CAPN13: variants seen among roughly 807,000 people sequenced by gnomAD.
CAPN13 encodes calpain 13, also known as calpain-13.
A neutral mutation model predicts 98.4 loss-of-function variants in CAPN13; 90 were observed. The ratio of observed to expected loss-of-function variants is 0.92; its 90% CI spans 0.77 to 1.09. CAPN13 has a LOEUF of 1.09. CAPN13 is among the 50% of genes least tolerant of loss of function. The pLI, the probability that CAPN13 is intolerant of heterozygous loss-of-function variation, is 0.00. For missense variants in CAPN13, 887 were observed against 841.3 expected, an observed-to-expected ratio of 1.05 and a Z score of -0.67; for synonymous variants, 330 against 305.5, an observed-to-expected ratio of 1.08 and a Z score of -0.84.
intron 22 of CAPN13, among the ~76,000 whole-genome samples, chr2:30,725,933 A>G (rs1475359060): frequency 6.6e-6 from 1 of 152,224 alleles, no homozygotes; most frequent in African/African-American, 2.4e-5. Flanking sequence ...CCTGCCTTCC[A>G]GTACACCAAA....
chr2:30,776,685 G>A (rs1204141270), intron 3 of CAPN13, among the ~76,000 whole-genome samples: 6 of 152,190 alleles, frequency 3.9e-5, no homozygotes, highest in African/African-American at 1.2e-4. Context: ...ATGGCCTCGA[G>A]TTTCTCCTTG....
chr2:30,758,816 CCTCCCTTCCTT>C lies in CAPN13; in HGVS notation c.775-690_775-680del, dbSNP rs1672623832. 4.1e-5 allele frequency among the ~76,000 whole-genome samples: 4 copies of C among 97,002 alleles called. No individual in the cohort carries two copies. The East Asian group carries it at 1.7e-3, about 41-fold the overall frequency. The allele number at this position is 97,002 out of a possible 152,430, so 63.6% of individuals were successfully genotyped here. ...CTTTCCTTCCTCCCTCCCTTCCCTTCCTCCCTTCCTTCCTCCCTTCCTTCTTTCCCTTTCTC... is the reference window on the plus strand; with the variant it reads ...CTTTCCTTCCTCCCTCCCTTCCCTTCCCTCCCTTCCTTCTTTCCCTTTCTC... On this transcript the variant is annotated intron_variant, in intron 7 of 22. Coordinates refer to ENST00000295055, the MANE Select transcript of CAPN13 (RefSeq NM_144575.3).
chr2:30,746,206 G>T (rs754687359), intron 11 of CAPN13, among the ~76,000 whole-genome samples: 2 of 152,066 alleles, frequency 1.3e-5, no homozygotes, highest in Non-Finnish European at 2.9e-5. Context: ...CACCACAAAG[G>T]ATGTTTTAAA....
At position 30,733,330 on chromosome 2, in the gene CAPN13, G is replaced by GTCCTC. The variant is rs1671198344; in HGVS notation, c.1799-765_1799-764insGAGGA. The stretch of plus-strand genomic sequence containing the variant: ...ACTCGAATGCCTTTAGATAAGCCAG[G>GTCCTC]TCCTGTTCTCAGTCACCTGTTTTCT... On this transcript the variant is annotated intron_variant, in intron 19 of 22. Coordinates refer to ENST00000295055, the MANE Select transcript of CAPN13 (RefSeq NM_144575.3). Among the ~76,000 whole-genome samples, 5 of 106,484 alleles carry GTCCTC rather than the reference G, an allele frequency of 4.7e-5. No individual in the cohort carries two copies. The South Asian group carries it at 1.2e-3, about 26-fold the overall frequency. 69.9% of individuals were successfully genotyped at this position (106,484 alleles called of 152,430 possible).
At chr2:30,742,504 C>A in intron 13 of CAPN13, 145 bp from the exon 14 acceptor site, 3 of 838,084 alleles carry the variant, frequency 3.6e-6, no homozygotes, top group Non-Finnish European at 5.8e-6. Context: ...ACGAAGTGAG[C>A]AGCTACAGCA....
chr2:30,749,211 A>G (rs911631059), intron 11 of CAPN13, among the ~76,000 whole-genome samples: 6 of 152,246 alleles, frequency 3.9e-5, no homozygotes, highest in African/African-American at 1.4e-4. Context: ...CCAAAATCCA[A>G]AACTTTTTGA....
chr2:30,806,524 C>A (rs1675639117), intron 1 of CAPN13, among the ~76,000 whole-genome samples: 1 of 152,128 alleles, frequency 6.6e-6, no homozygotes, highest in Admixed American at 6.5e-5. Context: ...CGGGGGTAAC[C>A]AAAGTTGTGT....
chr2:30,742,995 C>T (rs529004378), intron 13 of CAPN13: 7 of 263,820 alleles, frequency 2.7e-5, no homozygotes, highest in Non-Finnish European at 5.1e-5. Flanking sequence ...ACTTCCCTCC[C>T]GCCATTCATG....
chr2:30,734,353 T>G (rs908379610), intron 19 of CAPN13, 96 bp downstream of exon 19: 4 of 905,488 alleles, frequency 4.4e-6, no homozygotes, highest in Admixed American at 4.0e-5. Context: ...CTCTCCTGAT[T>G]GCCTGGCACT....
chr2:30,731,209 T>C (rs2147943649), intron 21 of CAPN13, 135 bp downstream of exon 21: 1 of 694,996 alleles, frequency 1.4e-6, no homozygotes, highest in South Asian at 2.3e-5. Context: ...AGGCAGTAAT[T>C]GGAGGTTGGG....
intron 5 of CAPN13, among the ~76,000 whole-genome samples, chr2:30,769,703 T>A (rs190017185): frequency 2.5e-3 from 377 of 152,330 alleles, no homozygotes; most frequent in Non-Finnish European, 4.4e-3. Context: ...TTCTTAAGCT[T>A]GTCAGCACCT....
chr2:30,724,969 A>C (rs72613858), intron 22 of CAPN13, among the ~76,000 whole-genome samples: 5,895 of 152,312 alleles, frequency 0.039, 201 homozygotes, highest in East Asian at 0.14. Flanking sequence ...ATCCTGCAGA[A>C]TAGGAGAAGG....
chr2:30,754,611 G>A (rs10210667), intron 8 of CAPN13, among the ~76,000 whole-genome samples: 2 of 151,938 alleles, frequency 1.3e-5, no homozygotes, highest in African/African-American at 4.8e-5. Flanking sequence ...ACATTTCCAA[G>A]AGAGTCCCAT....
intron 5 of CAPN13, among the ~76,000 whole-genome samples, chr2:30,766,164 G>A (rs2176840): frequency 0.14 from 20,893 of 152,184 alleles, 2,845 homozygotes; most frequent in African/African-American, 0.36. Context: ...CTGGTGATAC[G>A]CTCAGGGCGC....
chr2:30,754,353 C>T lies in CAPN13; in HGVS notation c.878G>A (p.Trp293Ter). 1.2e-6 allele frequency: 2 copies of T among 1,605,852 alleles called. No individual in the cohort carries two copies. The highest frequency in any genetic ancestry group is 3.3e-4 in the Middle Eastern group (2 of 6,044). ...RGRWSDGSQE[W>*]EETCDPRKSQ... is the part of the protein sequence containing the mutation. ...TTTCCGCGGATCACAGGTTTCCTCC[C>T]ACTCCTGAGACCTGAGCATGGACAC... is the stretch of plus-strand genomic sequence containing the variant. Residue 293 changes from tryptophan (W) to a stop codon, truncating the protein, a stop_gained, in exon 9 of 23, where the codon TGG (tryptophan) becomes TAG (stop). Transcript: ENST00000295055. LOFTEE classifies it high-confidence loss of function.
chr2:30,734,223 T>C lies in CAPN13; in HGVS notation c.1798+226A>G, dbSNP rs1429881533. On this transcript the variant is annotated intron_variant, in intron 19 of 22. Coordinates refer to ENST00000295055, the MANE Select transcript of CAPN13 (RefSeq NM_144575.3). ...AGAGCTGTGCTGGGGAGGAAAGACA[T>C]CTGGGAAAATTGAATGGCACGTGAG... Among the ~76,000 whole-genome samples, 3 of 152,116 alleles carry C rather than the reference T, an allele frequency of 2.0e-5. No homozygotes were observed. The East Asian group carries it at 5.8e-4, about 29-fold the overall frequency.
intron 1 of CAPN13, among the ~76,000 whole-genome samples, chr2:30,794,820 C>T (rs573196827): frequency 6.6e-6 from 1 of 151,900 alleles, no homozygotes; most frequent in African/African-American, 2.4e-5. Context: ...TAAAAAAATC[C>T]TAGAAATGCA....
At position 30,738,273 on chromosome 2, in the gene CAPN13, A is replaced by C. The variant is rs1346452549; in HGVS notation, c.1615T>G (p.Ser539Ala). The part of the protein sequence containing the change: ...LLTGPPGDMF[S>A]LDECRSLVAL... ...ACCAAGCTGCGGCACTCATCTAAGGAGAACATGTCCCCTGGAGGTCCTGAG... is the reference window on the plus strand; with the variant it reads ...ACCAAGCTGCGGCACTCATCTAAGGCGAACATGTCCCCTGGAGGTCCTGAG... The change falls in exon 17 of 23, where the codon TCC becomes GCC. Residue 539 changes from serine to alanine, a missense_variant. Ser to Ala is a moderately conservative substitution (Grantham distance 99). Transcript: ENST00000295055. 1.2e-6 allele frequency: 2 copies of C among 1,614,002 alleles called. No individual in the cohort carries two copies. Among genetic ancestry groups the C allele is most frequent in the South Asian group, 2.2e-5 (2 of 91,078 alleles).
In CAPN13 at chr2:30,724,579, C is replaced by T. The variant is rs756100874; in HGVS notation, c.*31-1343G>A. ...GTTTATGCCCTTGGAGTGTACATGT[C>T]GGTTTCCCAGTTGGATACATTTTTC... is the stretch of plus-strand genomic sequence containing the variant. On this transcript the variant is annotated intron_variant, in intron 22 of 22. Coordinates refer to ENST00000295055, the MANE Select transcript of CAPN13 (RefSeq NM_144575.3). Among the ~76,000 whole-genome samples the T allele has an allele frequency of 2.0e-5, 3 of 152,112 alleles. No homozygotes were observed. The East Asian group carries it at 5.8e-4, about 29-fold the overall frequency.
Sources: allele counts gnomAD v4.1 joint callset (sites outside exome capture counted in the v4.1 genomes callset), GRCh38; gene constraint gnomAD v4.1.1; transcripts MANE v1.5; gene names NCBI Gene and HGNC (gene_info 2026-07-23, HGNC 2026-07-21).